COL23A1: variants seen among roughly 807,000 people sequenced by gnomAD.
The protein encoded by COL23A1 is collagen alpha-1(XXIII) chain.
A neutral mutation model predicts 99.3 loss-of-function variants in COL23A1; 97 were observed. That is an observed-to-expected ratio of 0.98 (90% CI 0.83 to 1.16). COL23A1 has a LOEUF of 1.16. Among genes scored for constraint, COL23A1 ranks in the 50% most tolerant of loss-of-function variants. COL23A1 has a pLI of 0.00. For missense variants in COL23A1, 762 were observed against 757.4 expected, an observed-to-expected ratio of 1.01 and a Z score of -0.07; for synonymous variants, 320 against 308.2, an observed-to-expected ratio of 1.04 and a Z score of -0.40.
intron 2 of COL23A1, among the ~76,000 whole-genome samples, chr5:178,430,909 G>A (rs1032262618): frequency 8.5e-5 from 13 of 152,074 alleles, no homozygotes; most frequent in African/African-American, 3.1e-4. Context: ...CAGCCCTCAC[G>A]TGATGCCCTG....
At chr5:178,349,661 G>T (rs562122362) in intron 2 of COL23A1, among the ~76,000 whole-genome samples, 1 of 152,148 alleles carries the variant, frequency 6.6e-6, no homozygotes, top group South Asian at 2.1e-4. Flanking sequence ...GTCTCCCTTG[G>T]GGGGAGCCCC....
chr5:178,548,936 C>T (rs1425775308), intron 2 of COL23A1, among the ~76,000 whole-genome samples: 1 of 152,168 alleles, frequency 6.6e-6, no homozygotes, highest in Non-Finnish European at 1.5e-5. Flanking sequence ...TGGCATGCTG[C>T]AGTGCTCCAT....
At chr5:178,558,163 G>A (rs73344468) in intron 2 of COL23A1, among the ~76,000 whole-genome samples, 1,942 of 151,890 alleles carry the variant, frequency 0.013, 47 homozygotes, top group African/African-American at 0.045. Flanking sequence ...CCTCTTTCTA[G>A]AGGAGTTCAG....
intron 2 of COL23A1, among the ~76,000 whole-genome samples, chr5:178,419,111 G>A (rs569517348): frequency 1.3e-5 from 2 of 152,290 alleles, no homozygotes; most frequent in African/African-American, 2.4e-5. Flanking sequence ...GTTGGCACTC[G>A]CTTTTAAGGT....
At chr5:178,403,399 C>T (rs556392186) in intron 2 of COL23A1, among the ~76,000 whole-genome samples, 1 of 152,286 alleles carries the variant, frequency 6.6e-6, no homozygotes, top group East Asian at 1.9e-4. Context: ...TAAAATGCTA[C>T]TTGCCCTTCC....
At chr5:178,337,469 C>A (rs146301690) in intron 2 of COL23A1, among the ~76,000 whole-genome samples, 3 of 152,348 alleles carry the variant, frequency 2.0e-5, no homozygotes, top group Non-Finnish European at 4.4e-5. Context: ...ACACATGAGA[C>A]CCTTCCAGAA....
intron 2 of COL23A1, among the ~76,000 whole-genome samples, chr5:178,398,216 C>A (rs750265387): frequency 6.6e-6 from 1 of 152,152 alleles, no homozygotes; most frequent in Non-Finnish European, 1.5e-5. Context: ...TATTTGTGCA[C>A]GAATAACTCC....
chr5:178,589,886 A>T lies in COL23A1; in HGVS notation c.294+18T>A. 7.7e-7 allele frequency: 1 copy of T among 1,296,236 alleles called. No homozygotes were observed. Among genetic ancestry groups the T allele is most frequent in the Non-Finnish European group, 9.7e-7 (1 of 1,026,426 alleles). 80.3% of individuals were successfully genotyped at this position (1,296,236 alleles called of 1,614,324 possible). On this transcript the variant is annotated intron_variant, in intron 1 of 28. Coordinates refer to ENST00000390654, the MANE Select transcript of COL23A1 (RefSeq NM_173465.4). The surrounding 1 kb of genome is among the most constrained non-coding windows in gnomAD (Gnocchi z 5.4). ...CGACACACCCAAGTCCGCCCCAGCC[A>T]CGCGCCAAGACGCTCACCTCCCGCA...
At chr5:178,557,056 A>G (rs984004186) in intron 2 of COL23A1, among the ~76,000 whole-genome samples, 5 of 152,260 alleles carry the variant, frequency 3.3e-5, no homozygotes, top group African/African-American at 1.2e-4. Flanking sequence ...TCTAGGGGCA[A>G]GAAGTCCAAG....
intron 2 of COL23A1, among the ~76,000 whole-genome samples, chr5:178,430,825 G>T (rs544427878): frequency 9.8e-5 from 15 of 152,304 alleles, no homozygotes; most frequent in Admixed American, 9.2e-4. Flanking sequence ...ATGCATAGGT[G>T]GTGCCTTGTG....
intron 5 of COL23A1, among the ~76,000 whole-genome samples, chr5:178,284,575 T>G (rs1757059731): frequency 6.6e-6 from 1 of 152,232 alleles, no homozygotes; most frequent in African/African-American, 2.4e-5. Flanking sequence ...TCATTTATTC[T>G]AAGGAGATAA....
At chr5:178,284,337 CTAAAT>C (rs1757048227) in intron 5 of COL23A1, among the ~76,000 whole-genome samples, 1 of 152,082 alleles carries the variant, frequency 6.6e-6, no homozygotes, top group Non-Finnish European at 1.5e-5. Flanking sequence ...AAAATATGCC[CTAAAT>C]TAAAACAATA....
At chr5:178,379,454 G>C (rs2127734136) in intron 2 of COL23A1, among the ~76,000 whole-genome samples, 1 of 152,248 alleles carries the variant, frequency 6.6e-6, no homozygotes, top group East Asian at 1.9e-4. Flanking sequence ...TGGGCAGAGG[G>C]GTCTTGCAGG....
rs1295577631 is a variant in COL23A1 at position 178,276,864 on chromosome 5, G to A, written c.442-6501C>T. Among the ~76,000 whole-genome samples the A allele has an allele frequency of 3.3e-5, 5 of 152,304 alleles. No individual in the cohort carries two copies. In the East Asian group the frequency reaches 7.7e-4, roughly 23 times the overall value. ...TAGGGCATTTTGTAGAGTGGGCTCTGTAGTGACCTATGCACCTCAACTCAG... is the reference window on the plus strand; with the variant it reads ...TAGGGCATTTTGTAGAGTGGGCTCTATAGTGACCTATGCACCTCAACTCAG... On this transcript the variant is annotated intron_variant, in intron 5 of 28. Coordinates refer to ENST00000390654, the MANE Select transcript of COL23A1 (RefSeq NM_173465.4).
intron 2 of COL23A1, among the ~76,000 whole-genome samples, chr5:178,437,439 C>T (rs1005453996): frequency 6.6e-6 from 1 of 152,174 alleles, no homozygotes; most frequent in Non-Finnish European, 1.5e-5. Context: ...GGATCTGGTC[C>T]ACTTCTATGG....
At chr5:178,518,925 C>T (rs1435685262) in intron 2 of COL23A1, among the ~76,000 whole-genome samples, 83 of 93,234 alleles carry the variant, frequency 8.9e-4, no homozygotes, top group Non-Finnish European at 1.4e-3. Context: ...TCCCGGCGGT[C>T]GGGCGGCGGC....
intron 2 of COL23A1, among the ~76,000 whole-genome samples, chr5:178,551,613 C>T (rs956498434): frequency 6.6e-6 from 1 of 152,178 alleles, no homozygotes; most frequent in African/African-American, 2.4e-5. Context: ...CACCACATGA[C>T]CCAGTGCCTC....
intron 2 of COL23A1, among the ~76,000 whole-genome samples, chr5:178,530,139 A>G (rs2113195204): frequency 6.6e-6 from 1 of 152,326 alleles, no homozygotes; most frequent in East Asian, 1.9e-4. Flanking sequence ...AAGCAGGTCC[A>G]CACATCTTTT....
At position 178,543,080 on chromosome 5, in the gene COL23A1, GTGAGATCCTTT is replaced by G. The variant is rs566552515; in HGVS notation, c.361+17591_361+17601del. Among the ~76,000 whole-genome samples the G allele has an allele frequency of 1.1e-3, 162 of 152,020 alleles. 1 individual carries two copies. In the Middle Eastern group the frequency reaches 0.024, roughly 22 times the overall value. ...GCTGTGTGTGTTCGAGGGTTGGAGA[GTGAGATCCTTT>G]TGAGAGCATAATTGGCTTGTTTTTT... On this transcript the variant is annotated intron_variant, in intron 2 of 28. Transcript: ENST00000390654.
Sources: gnomAD v4.1 joint callset for allele counts (sites outside exome capture counted in the v4.1 genomes callset) on GRCh38, gnomAD v4.1.1 for gene constraint, Gnocchi (gnomAD v3.1) non-coding constraint, MANE v1.5 for transcripts, NCBI Gene and HGNC (gene_info 2026-07-23, HGNC 2026-07-21) for gene names.